The following BLTP1 variants were observed in gnomAD, a reference collection of about 807,000 sequenced individuals.
The protein encoded by BLTP1 is bridge-like lipid transfer protein family member 1, also known as fragile site-associated protein.
the BLTP1 span, among the ~76,000 whole-genome samples, chr4:122,179,387 T>C: frequency 6.6e-6 from 1 of 152,210 alleles, no homozygotes; most frequent in Admixed American, 6.5e-5. Flanking sequence ...TTCTATTTAG[T>C]TCACCTGCAT....
At chr4:122,237,289 C>T in the BLTP1 span, 2 of 985,088 alleles carry the variant, frequency 2.0e-6, no homozygotes, top group African/African-American at 1.7e-5. Flanking sequence ...TTTTTATTTC[C>T]CCCAGCCCCT....
chr4:122,171,879 G>A, the BLTP1 span: 1 of 985,010 alleles, frequency 1.0e-6, no homozygotes, highest in Non-Finnish European at 1.2e-6. Context: ...AGGGGGGCGT[G>A]ATATAATGAA....
the BLTP1 span, among the ~76,000 whole-genome samples, chr4:122,166,672 C>T: frequency 6.6e-6 from 1 of 152,084 alleles, no homozygotes; most frequent in Non-Finnish European, 1.5e-5. Flanking sequence ...GGCAGTATGG[C>T]CATTTTCACG....
the BLTP1 span, among the ~76,000 whole-genome samples, chr4:122,300,084 C>A: frequency 9.8e-5 from 15 of 152,288 alleles, no homozygotes; most frequent in African/African-American, 3.6e-4. Context: ...CGGCTCACTG[C>A]AACTTCTGCC....
chr4:122,231,504 C>A, the BLTP1 span: 1 of 275,738 alleles, frequency 3.6e-6, no homozygotes, highest in Non-Finnish European at 5.5e-6. Flanking sequence ...TATAGATGAT[C>A]ACCTTTTTGT....
the BLTP1 span, chr4:122,246,082 G>A: frequency 6.2e-6 from 9 of 1,448,862 alleles, no homozygotes; most frequent in Non-Finnish European, 7.3e-6. Context: ...GTGAATAAGT[G>A]AGTTGCTGTT....
At chr4:122,353,651 A>G in the BLTP1 span, 1,107 of 426,242 alleles carry the variant, frequency 2.6e-3, 9 homozygotes, top group African/African-American at 0.023. This position sits in a 1 kb window ranked among gnomAD's most constrained non-coding sequence, Gnocchi z 4.3. Context: ...TACCACTAAT[A>G]GAAGAATTAT....
At chr4:122,284,498 G>A in the BLTP1 span, among the ~76,000 whole-genome samples, 1 of 152,076 alleles carries the variant, frequency 6.6e-6, no homozygotes, top group Non-Finnish European at 1.5e-5. Flanking sequence ...AAATGAAAAT[G>A]TATTGTCTCC....
At chr4:122,269,845 G>C in the BLTP1 span, among the ~76,000 whole-genome samples, 1 of 152,000 alleles carries the variant, frequency 6.6e-6, no homozygotes, top group Non-Finnish European at 1.5e-5. Flanking sequence ...CACGTATCAG[G>C]GACTTATATT....
chr4:122,273,145 A>T, the BLTP1 span: 1 of 846,312 alleles, frequency 1.2e-6, no homozygotes, highest in Non-Finnish European at 1.4e-6. Context: ...ATTATATTAC[A>T]TGAGAAAAGG....
At chr4:122,192,117 T>TA in the BLTP1 span, 1 of 1,059,334 alleles carries the variant, frequency 9.4e-7, no homozygotes, top group African/African-American at 1.6e-5. Flanking sequence ...CAATAATTTT[T>TA]AAGAGTGTAA....
chr4:122,359,862 C>G, the BLTP1 span: 4 of 1,367,782 alleles, frequency 2.9e-6, no homozygotes, highest in Non-Finnish European at 3.8e-6. Context: ...CTTCTGTGTG[C>G]TGTCTTTGCT....
At chr4:122,267,104 G>C in the BLTP1 span, 2 of 378,066 alleles carry the variant, frequency 5.3e-6, no homozygotes, top group Non-Finnish European at 9.0e-6. Flanking sequence ...TGTCGCCCAG[G>C]CTGGAGTGCA....
At chr4:122,343,763 T>C in the BLTP1 span, 1 of 431,408 alleles carries the variant, frequency 2.3e-6, no homozygotes, top group African/African-American at 2.1e-5. Context: ...ACGTAATAAG[T>C]AGACATATAC....
the BLTP1 span, among the ~76,000 whole-genome samples, chr4:122,166,482 T>C: frequency 6.6e-6 from 1 of 152,228 alleles, no homozygotes; most frequent in East Asian, 1.9e-4. Context: ...TGTAGCCTTG[T>C]AGTATAGTTT....
chr4:122,270,322 G>A, the BLTP1 span: 13 of 982,722 alleles, frequency 1.3e-5, no homozygotes, highest in South Asian at 5.2e-4. Flanking sequence ...CATTCATAGT[G>A]TGCATGGAAG....
chr4:122,239,320 T>A, the BLTP1 span: 1 of 173,762 alleles, frequency 5.8e-6, no homozygotes, highest in African/African-American at 2.4e-5. Context: ...CCTCAAAATT[T>A]TTTGGAACTA....
the BLTP1 span, among the ~76,000 whole-genome samples, chr4:122,153,681 C>A: frequency 2.5e-4 from 38 of 152,018 alleles, no homozygotes; most frequent in African/African-American, 7.5e-4. Flanking sequence ...CTGTTCTTGC[C>A]GGCAAGGACC....
the BLTP1 span, among the ~76,000 whole-genome samples, chr4:122,278,984 G>A: frequency 6.6e-6 from 1 of 152,160 alleles, no homozygotes; most frequent in African/African-American, 2.4e-5. Flanking sequence ...TGTAGCCATT[G>A]CTTTGATTGT....
Sources: allele counts gnomAD v4.1 joint callset (sites outside exome capture counted in the v4.1 genomes callset), GRCh38; gene constraint gnomAD v4.1.1; non-coding constraint Gnocchi (gnomAD v3.1); transcripts MANE v1.5; gene names NCBI Gene and HGNC (gene_info 2026-07-23, HGNC 2026-07-21).